Variants in MYO1D observed in about 807,000 individuals in gnomAD.
MYO1D encodes the protein myosin ID, also known as unconventional myosin-Id.
A neutral mutation model predicts 122.0 loss-of-function variants in MYO1D; 83 were observed. The observed-to-expected ratio is 0.68, with a 90% CI of 0.57 to 0.82. MYO1D has a LOEUF of 0.82. MYO1D is among the 40% of genes least tolerant of loss of function. The pLI is 0.00. For synonymous variants in MYO1D, 464 were observed against 446.9 expected (o/e 1.04, Z -0.48); for missense variants, 1,157 against 1,269.5 (o/e 0.91, Z 1.35).
chr17:32,769,790 A>G (rs1354307779), intron 6 of MYO1D, among the ~76,000 whole-genome samples: 1 of 151,712 alleles, frequency 6.6e-6, no homozygotes, highest in Non-Finnish European at 1.5e-5. Context: ...TTTCTTAGGA[A>G]GCAAAAAAAA....
intron 20 of MYO1D, among the ~76,000 whole-genome samples, chr17:32,611,915 T>A (rs929557987): frequency 6.6e-6 from 1 of 152,196 alleles, no homozygotes; most frequent in Non-Finnish European, 1.5e-5. Flanking sequence ...ATTCTTGATA[T>A]CAATTAGGAA....
chr17:32,690,912 T>C (rs960155766), intron 16 of MYO1D, among the ~76,000 whole-genome samples: 1 of 152,192 alleles, frequency 6.6e-6, no homozygotes, highest in Non-Finnish European at 1.5e-5. Flanking sequence ...AAGTCCTCTT[T>C]TCTAGTGACT....
chr17:32,521,244 C>T (rs1403614597), intron 21 of MYO1D, among the ~76,000 whole-genome samples: 1 of 152,162 alleles, frequency 6.6e-6, no homozygotes, highest in Non-Finnish European at 1.5e-5. Flanking sequence ...CAGTATTCTT[C>T]CATCCTGAAC....
In MYO1D at chr17:32,659,337, A is replaced by G; in HGVS notation, c.2123T>C (p.Val708Ala). The G allele has an allele frequency of 6.2e-7, 1 of 1,613,964 alleles. No homozygotes were observed. The highest frequency in any genetic ancestry group is 8.5e-7 in the Non-Finnish European group (1 of 1,179,924). Residue 708 changes from valine to alanine, a missense_variant and splice_region_variant, in exon 17 of 22, where the codon GTG (valine) becomes GCG (alanine). Transcript: ENST00000318217. ...CATGCGGGCCAGGGTGCCCCGCCAC[A>G]CCTTCACAATAGAGAAAGAAAAAGG... The part of the protein sequence containing the change: ...LIRIVLFLQK[V>A]WRGTLARMRY...
Position 32,736,497 on chromosome 17 carries a change from AAT to A in MYO1D, c.1746+1754_1746+1755del, listed in dbSNP as rs563364816. Among the ~76,000 whole-genome samples the A allele has an allele frequency of 3.8e-3, 574 of 152,278 alleles. 4 individuals carry two copies. Among genetic ancestry groups the A allele is most frequent in the African/African-American group, 0.013 (550 of 41,554 alleles). ...AAGGACAGAAAGAACTTGGGTCTCT[AAT>A]AACTTTGGAGCTGCCATGCCAGTCC... On this transcript the variant is annotated intron_variant, in intron 14 of 21. Coordinates refer to ENST00000318217, the MANE Select transcript of MYO1D (RefSeq NM_015194.3).
At chr17:32,873,028 G>A (rs1417271734) in intron 1 of MYO1D, among the ~76,000 whole-genome samples, 1 of 152,196 alleles carries the variant, frequency 6.6e-6, no homozygotes, top group Non-Finnish European at 1.5e-5. Context: ...AATGGTAGGA[G>A]AAAGTTGCAT....
At chr17:32,737,662 C>A (rs928197811) in intron 14 of MYO1D, among the ~76,000 whole-genome samples, 3 of 152,038 alleles carry the variant, frequency 2.0e-5, no homozygotes, top group African/African-American at 7.2e-5. Context: ...TAACTTTTTG[C>A]AGAAAGGAGG....
chr17:32,763,759 A>G (rs986723037), intron 8 of MYO1D, among the ~76,000 whole-genome samples: 1 of 152,048 alleles, frequency 6.6e-6, no homozygotes, highest in Non-Finnish European at 1.5e-5. Context: ...GTCTCTACTA[A>G]AAATACAAAA....
At chr17:32,837,736 C>A (rs2090841516) in intron 1 of MYO1D, among the ~76,000 whole-genome samples, 1 of 152,116 alleles carries the variant, frequency 6.6e-6, no homozygotes, top group Non-Finnish European at 1.5e-5. Flanking sequence ...ACCAACTCAC[C>A]ATGTCCTCAC....
At chr17:32,773,362 G>A (rs1331365067) in intron 4 of MYO1D, among the ~76,000 whole-genome samples, 1 of 152,116 alleles carries the variant, frequency 6.6e-6, no homozygotes. Context: ...TCACGGATTC[G>A]GGAAGACAGT....
At chr17:32,601,196 A>C (rs941560231) in intron 21 of MYO1D, among the ~76,000 whole-genome samples, 1 of 152,032 alleles carries the variant, frequency 6.6e-6, no homozygotes, top group African/African-American at 2.4e-5. Context: ...TTAACTTCCC[A>C]AAGTGCTGGG....
At position 32,654,482 on chromosome 17, in the gene MYO1D, C is replaced by G; in HGVS notation, c.2485G>C (p.Ala829Pro). Residue 829 changes from alanine (A) to proline (P), a missense_variant, in exon 18 of 22, where the codon GCT (alanine) becomes CCT (proline). Physicochemically the swap from Ala to Pro is conservative, Grantham distance 27. Transcript: ENST00000318217. ...LQRAWEGNYL[A>P]SKPDTPQTSG... ...CTTTGTTCCCTTGGACTTACTGAAG[C>G]AAGATAGTTGCCCTCCCAGGCCCTC... 4 of 1,610,868 alleles carry G rather than the reference C, an allele frequency of 2.5e-6. No homozygotes were observed. Among genetic ancestry groups the G allele is most frequent in the African/African-American group, 1.3e-5 (1 of 74,856 alleles).
intron 16 of MYO1D, among the ~76,000 whole-genome samples, chr17:32,675,378 ACTAT>A (rs371553025): frequency 9.2e-5 from 14 of 152,338 alleles, no homozygotes; most frequent in South Asian, 2.1e-4. Context: ...TATAACTGTA[ACTAT>A]CTATCACTGA....
intron 14 of MYO1D, among the ~76,000 whole-genome samples, chr17:32,722,391 T>C (rs1211996234): frequency 1.3e-5 from 2 of 152,212 alleles, no homozygotes; most frequent in Non-Finnish European, 2.9e-5. Context: ...AGGGTTGGTG[T>C]TTTTGGGAGC....
intron 21 of MYO1D, among the ~76,000 whole-genome samples, chr17:32,588,582 A>C (rs2087411285): frequency 6.6e-6 from 1 of 152,178 alleles, no homozygotes; most frequent in South Asian, 2.1e-4. Context: ...TAACTTCACA[A>C]ATTTTTATAA....
chr17:32,559,039 A>AT (rs1162724093), intron 21 of MYO1D, among the ~76,000 whole-genome samples: 2 of 152,294 alleles, frequency 1.3e-5, no homozygotes, highest in Non-Finnish European at 2.9e-5. Context: ...AATGTTAACT[A>AT]TTTTTATTAT....
At chr17:32,872,690 A>ATTTT (rs780676467) in intron 1 of MYO1D, among the ~76,000 whole-genome samples, 1 of 136,326 alleles carries the variant, frequency 7.3e-6, no homozygotes, top group African/African-American at 2.7e-5. Flanking sequence ...ATCTAGGTCA[A>ATTTT]TTTTTTTTTT....
intron 21 of MYO1D, among the ~76,000 whole-genome samples, chr17:32,560,528 CATATATATATATATATATAT>C (rs56214129): frequency 0.011 from 713 of 65,458 alleles, 55 homozygotes; most frequent in South Asian, 0.026. Context: ...CCAGAGACAA[CATATATATATATATATATAT>C]ATATATATAT....
At chr17:32,523,939 G>A (rs746105322) in intron 21 of MYO1D, among the ~76,000 whole-genome samples, 7 of 152,290 alleles carry the variant, frequency 4.6e-5, no homozygotes, top group African/African-American at 9.6e-5. Context: ...TGGGGATGAC[G>A]ATAGTATTAT....
Sources: gnomAD v4.1 joint callset for allele counts (sites outside exome capture counted in the v4.1 genomes callset) on GRCh38, gnomAD v4.1.1 for gene constraint, MANE v1.5 for transcripts, NCBI Gene and HGNC (gene_info 2026-07-23, HGNC 2026-07-21) for gene names.